Variants in ATP2A3 observed in about 807,000 individuals in gnomAD.
ATP2A3 encodes sarcoplasmic/endoplasmic reticulum calcium ATPase 3.
ATP2A3 carries 61 observed loss-of-function variants against 106.8 expected under a neutral mutation model. The observed-to-expected ratio is 0.57, with a 90% CI of 0.46 to 0.71. ATP2A3 has a LOEUF of 0.71. ATP2A3 is among the 30% of genes least tolerant of loss of function. The probability of loss-of-function intolerance (pLI) is 0.00; values close to 1 mark genes in which losing one functional copy is unlikely to be tolerated. For synonymous variants in ATP2A3, 611 were observed against 609.3 expected (o/e 1.00, Z -0.04); for missense variants, 1,201 against 1,423.5 (o/e 0.84, Z 2.52).
In ATP2A3 at chr17:3,955,283, G is replaced by A. The variant is rs1201880074; in HGVS notation, c.119-1573C>T. ...GCCTACAGGCATTTTTTTTTCCTAC[G>A]GGAGCCCTCTCCCCGGACCACCTGT... On this transcript the variant is annotated intron_variant, in intron 1 of 20. Transcript: ENST00000397041. This position sits in a 1 kb window ranked among gnomAD's most constrained non-coding sequence, Gnocchi z 4.2. Among the ~76,000 whole-genome samples, 7 of 151,702 alleles carry A rather than the reference G, an allele frequency of 4.6e-5. No homozygotes were observed. Among genetic ancestry groups the A allele is most frequent in the Admixed American group, 6.6e-5 (1 of 15,254 alleles).
intron 8 of ATP2A3, among the ~76,000 whole-genome samples, chr17:3,946,323 G>A (rs1006717753): frequency 2.6e-5 from 4 of 151,912 alleles, no homozygotes; most frequent in Admixed American, 6.6e-5. Context: ...AGGCCAAGGC[G>A]GGTGGATCAC....
chr17:3,951,704 T>C lies in ATP2A3; in HGVS notation c.220-19A>G, dbSNP rs2532961. On this transcript the variant is annotated intron_variant, in intron 3 of 20. Transcript: ENST00000397041. The stretch of plus-strand genomic sequence containing the variant: ...CCAGGACCTGCAGGATCACAGCTGG[T>C]GAGCTCAGGCCCTGCTGCGGGCCGA... The C allele has an allele frequency of 1.9e-6, 3 of 1,598,810 alleles. No individual in the cohort carries two copies. Among genetic ancestry groups the C allele is most frequent in the Non-Finnish European group, 2.6e-6 (3 of 1,172,724 alleles).
intron 4 of ATP2A3, 28 bp downstream of exon 4, chr17:3,951,553 G>GGGCCCCCC: frequency 3.1e-6 from 2 of 647,364 alleles, no homozygotes; most frequent in Middle Eastern, 5.0e-4. Flanking sequence ...ACCGCCCCCC[G>GGGCCCCCC]CCCGGTCCCA....
chr17:3,951,435 G>T (rs371828833), intron 4 of ATP2A3, 46 bp from the exon 5 acceptor site: 2 of 1,612,150 alleles, frequency 1.2e-6, no homozygotes, highest in Admixed American at 3.3e-5. Flanking sequence ...GCTGCCCCCC[G>T]CAGACCACCC....
intron 17 of ATP2A3, among the ~76,000 whole-genome samples, chr17:3,934,593 G>A (rs2053316915): frequency 1.4e-5 from 2 of 143,330 alleles, no homozygotes; most frequent in Non-Finnish European, 3.0e-5. Flanking sequence ...GTATGATCTT[G>A]GCACACTGCA....
In ATP2A3 at chr17:3,924,286, G is replaced by C. The variant is rs2052594036; in HGVS notation, c.*1136C>G. On this transcript the variant is annotated 3_prime_UTR_variant, in exon 21 of 21. Coordinates refer to ENST00000397041, the MANE Select transcript of ATP2A3 (RefSeq NM_005173.4). This position sits in a 1 kb window ranked among gnomAD's most constrained non-coding sequence, Gnocchi z 6.4. ...TTTTTGCCAAAGTAGCAAAAGCTGAGTTAAGAGAAAAATTCTGTCCATCAG... is the reference window on the plus strand; with the variant it reads ...TTTTTGCCAAAGTAGCAAAAGCTGACTTAAGAGAAAAATTCTGTCCATCAG... The C allele has an allele frequency of 6.4e-6, 1 of 155,190 alleles. No homozygotes were observed. The highest frequency in any genetic ancestry group is 1.4e-5 in the Non-Finnish European group (1 of 70,002). The allele number at this position is 155,190 out of a possible 1,614,324, so 9.6% of individuals were successfully genotyped here.
chr17:3,959,529 C>T (rs2055021247), intron 1 of ATP2A3, among the ~76,000 whole-genome samples: 1 of 152,224 alleles, frequency 6.6e-6, no homozygotes, highest in South Asian at 2.1e-4. Flanking sequence ...TGCCCCCAGG[C>T]TCCACACCAC....
In ATP2A3 at chr17:3,929,958, A is replaced by T. The variant is rs1182727263; in HGVS notation, c.2744+343T>A. Among the ~76,000 whole-genome samples the T allele has an allele frequency of 8.1e-6, 1 of 123,878 alleles. No homozygotes were observed. Among genetic ancestry groups the T allele is most frequent in the East Asian group, 2.3e-4 (1 of 4,378 alleles). The allele number at this position is 123,878 out of a possible 152,430, so 81.3% of individuals were successfully genotyped here. A position where few individuals can be genotyped will look rare whatever the true frequency, so the allele number is the denominator to read the frequency against. The stretch of plus-strand genomic sequence containing the variant: ...CCCAACCTGAACCCCTTGACCCCAG[A>T]CCCCAATCCTGGACCTCTCTTGACC... On this transcript the variant is annotated intron_variant, in intron 18 of 20. Coordinates refer to ENST00000397041, the MANE Select transcript of ATP2A3 (RefSeq NM_005173.4). This position sits in a 1 kb window ranked among gnomAD's most constrained non-coding sequence, Gnocchi z 4.3.
chr17:3,936,616 G>GGGTGTGT lies in ATP2A3; in HGVS notation c.2322-154_2322-148dup. On this transcript the variant is annotated intron_variant, in intron 15 of 20. Coordinates refer to ENST00000397041, the MANE Select transcript of ATP2A3 (RefSeq NM_005173.4). This position sits in a 1 kb window ranked among gnomAD's most constrained non-coding sequence, Gnocchi z 5.4. ...CTCCCTCCGCCAGCTGTGATGTGAA[G>GGGTGTGT]GGTGTGTGTACACAGCTCTGCCTCG... The GGGTGTGT allele has an allele frequency of 1.2e-6, 1 of 850,554 alleles. No homozygotes were observed. 52.7% of individuals were successfully genotyped at this position (850,554 alleles called of 1,614,324 possible).
intron 7 of ATP2A3, among the ~76,000 whole-genome samples, chr17:3,950,088 G>T (rs965569032): frequency 6.6e-6 from 1 of 151,786 alleles, no homozygotes; most frequent in Admixed American, 6.6e-5. Context: ...CTTGAACCTG[G>T]GGGGCGGGGG....
chr17:3,932,511 C>T (rs1387192768), intron 17 of ATP2A3, among the ~76,000 whole-genome samples: 1 of 152,246 alleles, frequency 6.6e-6, no homozygotes, highest in Admixed American at 6.5e-5. Flanking sequence ...ACGATCTCAG[C>T]TCACTGTAGC....
rs1384356594 is a variant in ATP2A3 at position 3,944,756 on chromosome 17, T to C, written c.1235A>G (p.Glu412Gly). ...GCACAGGGCGCAGATGGTCGCCAGC[T>C]CCACCAGCCCGTCGAACTGGCCGCA... ...VRCGQFDGLV[E>G]LATICALCND... Residue 412 changes from glutamate to glycine, a missense_variant, in exon 10 of 21, where the codon GAG becomes GGG. Transcript: ENST00000397041. The C allele has an allele frequency of 6.2e-7, 1 of 1,612,918 alleles. No individual in the cohort carries two copies. The highest frequency in any genetic ancestry group is 1.3e-5 in the African/African-American group (1 of 74,852).
Position 3,928,908 on chromosome 17 carries a change from T to A in ATP2A3, c.2863-128A>T. On this transcript the variant is annotated intron_variant, in intron 19 of 20. Transcript: ENST00000397041. This position sits in a 1 kb window ranked among gnomAD's most constrained non-coding sequence, Gnocchi z 6.1. The stretch of plus-strand genomic sequence containing the variant: ...TGAGCGCTCCTAAGAACCCCCTGGA[T>A]GCACCCCCGATCTTTGTCCACTCAG... 1 of 690,708 alleles carries A rather than the reference T, an allele frequency of 1.4e-6. No individual in the cohort carries two copies. Among genetic ancestry groups the A allele is most frequent in the Non-Finnish European group, 2.5e-6 (1 of 400,248 alleles). 42.8% of individuals were successfully genotyped at this position (690,708 alleles called of 1,614,324 possible). A position where few individuals can be genotyped will look rare whatever the true frequency, so the allele number is the denominator to read the frequency against.
rs1444840116 is a variant in ATP2A3, at chr17:3,934,778, C to T, written c.2610+414G>A. 2.6e-5 allele frequency among the ~76,000 whole-genome samples: 4 copies of T among 152,028 alleles called. No homozygotes were observed. In the East Asian group the frequency reaches 7.8e-4, roughly 30 times the overall value. On this transcript the variant is annotated intron_variant, in intron 17 of 20. Transcript: ENST00000397041. Reference sequence around the variant, plus strand: ...CCTCAGGTGGTCCACCCACCTCGGCCTCCCAAAGTGCTGGGATTACAGGCG... The same window carrying T: ...CCTCAGGTGGTCCACCCACCTCGGCTTCCCAAAGTGCTGGGATTACAGGCG...
Position 3,941,577 on chromosome 17 carries a change from G to A in ATP2A3, c.1623C>T (p.Ser541=), listed in dbSNP as rs372782219. 2 of 1,613,428 alleles carry A rather than the reference G, an allele frequency of 1.2e-6. No homozygotes were observed. Among genetic ancestry groups the A allele is most frequent in the Non-Finnish European group, 1.7e-6 (2 of 1,180,018 alleles). ...GSRTAPLTPT[S]REQILAKIRD... ...GGATCTTTGCCAGGATCTGCTCCCT[G>A]GAGGTGGGGGTCAGGGGTGCTGTGC... The change falls in exon 13 of 21, where the codon TCC becomes TCT. Residue 541 remains serine, a synonymous_variant. Coordinates refer to ENST00000397041, the MANE Select transcript of ATP2A3 (RefSeq NM_005173.4).
In ATP2A3 at chr17:3,936,510, C is replaced by T. The variant is rs560788351; in HGVS notation, c.2322-41G>A. The T allele has an allele frequency of 1.9e-6, 3 of 1,605,680 alleles. No individual in the cohort carries two copies. The South Asian group carries it at 3.3e-5, about 18-fold the overall frequency. On this transcript the variant is annotated intron_variant, in intron 15 of 20. Transcript: ENST00000397041. The surrounding 1 kb of genome is among the most constrained non-coding windows in gnomAD (Gnocchi z 5.4). ...GAGCTCTAGCCCCGGTAGGCCTAGC[C>T]CCCGGCAGATGCAGGCTCCAGCTCC...
intron 1 of ATP2A3, among the ~76,000 whole-genome samples, chr17:3,957,905 C>T (rs1447690434): frequency 6.6e-6 from 1 of 152,228 alleles, no homozygotes; most frequent in Non-Finnish European, 1.5e-5. Flanking sequence ...CTCTGAGAGC[C>T]ACAGTGGGGC....
rs145626952 is a variant in ATP2A3, at chr17:3,934,981, G to C, written c.2610+211C>G. On this transcript the variant is annotated intron_variant, in intron 17 of 20. Coordinates refer to ENST00000397041, the MANE Select transcript of ATP2A3 (RefSeq NM_005173.4). ...TTGGTCCCCGCTAACTGACTGGGAT[G>C]GGGAGGCGCCTTTGGCTTGGGGGTC... 5.5e-3 allele frequency: 3,270 copies of C among 594,502 alleles called. 86 individuals are homozygous for C. The highest frequency in any genetic ancestry group is 0.054 in the African/African-American group (2,909 of 53,938). 36.8% of individuals were successfully genotyped at this position (594,502 alleles called of 1,614,324 possible).
At position 3,950,713 on chromosome 17, in the gene ATP2A3, A is replaced by T. The variant is rs1291515058; in HGVS notation, c.524T>A (p.Val175Glu). Residue 175 changes from valine to glutamate, a missense_variant, in exon 6 of 21, where the codon GTG becomes GAG. By Grantham distance (121) the Val-to-Glu change is moderately radical (BLOSUM62 -2). Coordinates refer to ENST00000397041, the MANE Select transcript of ATP2A3 (RefSeq NM_005173.4). Reference protein sequence around the residue: ...LIEIKSTTLRVDQSILTGESV... With the variant: ...LIEIKSTTLREDQSILTGESV... ...CTCACCCGTCAGGATGGACTGGTCC[A>T]CTCGCAGCGTGGTGGACTTGATCTC... 1 of 1,613,676 alleles carries T rather than the reference A, an allele frequency of 6.2e-7. No individual in the cohort carries two copies. The highest frequency in any genetic ancestry group is 8.5e-7 in the Non-Finnish European group (1 of 1,179,980).
Sources: allele counts gnomAD v4.1 joint callset (sites outside exome capture counted in the v4.1 genomes callset), GRCh38; gene constraint gnomAD v4.1.1; non-coding constraint Gnocchi (gnomAD v3.1); transcripts MANE v1.5; gene names NCBI Gene and HGNC (gene_info 2026-07-23, HGNC 2026-07-21).